RBFOX1: variants seen among roughly 807,000 people sequenced by gnomAD.
RBFOX1 encodes the protein RNA binding protein fox-1 homolog 1.
In RBFOX1, 8 loss-of-function variants were observed where a neutral mutation model predicts 57.7. The observed-to-expected ratio is 0.14, with a 90% CI of 0.08 to 0.25. The LOEUF (loss-of-function observed/expected upper bound fraction) is 0.25, where lower values mean the gene tolerates loss of function less well. Among genes scored for constraint, RBFOX1 ranks in the 10% least tolerant of loss-of-function variants. The pLI is 1.00. For synonymous variants in RBFOX1, 326 were observed against 222.4 expected, an observed-to-expected ratio of 1.47 and a Z score of -4.15; for missense variants, 611 against 548.5, an observed-to-expected ratio of 1.11 and a Z score of -1.14.
At chr16:7,354,268 G>A (rs1255465882) in intron 4 of RBFOX1, among the ~76,000 whole-genome samples, 1 of 152,082 alleles carries the variant, frequency 6.6e-6, no homozygotes, top group African/African-American at 2.4e-5. Flanking sequence ...ACCATGCTTG[G>A]CCCGAATTGT....
chr16:6,828,184 C>G (rs567893678), intron 3 of RBFOX1, among the ~76,000 whole-genome samples: 31 of 152,300 alleles, frequency 2.0e-4, no homozygotes, highest in Admixed American at 1.7e-3. Flanking sequence ...AGTCTCAGCA[C>G]TTCCCTTGCC....
intron 2 of RBFOX1, chr16:6,577,452 A>G (rs1252202379): frequency 2.6e-5 from 4 of 151,680 alleles, no homozygotes; most frequent in Non-Finnish European, 4.4e-5. Context: ...TTTCCTTCCA[A>G]CTCTCCAGTT....
intron 3 of RBFOX1, among the ~76,000 whole-genome samples, chr16:6,903,707 G>T (rs1369790380): frequency 6.6e-6 from 1 of 152,130 alleles, no homozygotes; most frequent in Non-Finnish European, 1.5e-5. Context: ...AAGGGCAGCA[G>T]AGCAAGCACT....
intron 13 of RBFOX1, chr16:7,671,704 T>A: frequency 1.9e-6 from 2 of 1,066,896 alleles, no homozygotes; most frequent in Non-Finnish European, 1.4e-6. Context: ...TTCTCTAACA[T>A]AGGAGGAAAG....
chr16:7,530,988 C>G (rs779055140), intron 5 of RBFOX1, among the ~76,000 whole-genome samples: 1 of 152,146 alleles, frequency 6.6e-6, no homozygotes, highest in African/African-American at 2.4e-5. Context: ...GTCCTTAGGA[C>G]AGAAGTTCCA....
chr16:7,259,836 T>C (rs1320803371), intron 4 of RBFOX1, among the ~76,000 whole-genome samples: 4 of 152,204 alleles, frequency 2.6e-5, no homozygotes, highest in African/African-American at 7.2e-5. Flanking sequence ...TTTATGTGTG[T>C]GTAATAAGAA....
chr16:7,616,507 A>G (rs952906863), intron 10 of RBFOX1, among the ~76,000 whole-genome samples: 1 of 152,244 alleles, frequency 6.6e-6, no homozygotes, highest in African/African-American at 2.4e-5. Flanking sequence ...TAGTTACCAT[A>G]AACAATTGGA....
At chr16:6,715,177 C>T (rs943731871) in intron 3 of RBFOX1, among the ~76,000 whole-genome samples, 2 of 152,098 alleles carry the variant, frequency 1.3e-5, no homozygotes, top group Non-Finnish European at 2.9e-5. Flanking sequence ...ACCCTCCTCA[C>T]TCATAATGAA....
At chr16:7,061,784 A>G (rs1184714319) in intron 4 of RBFOX1, among the ~76,000 whole-genome samples, 1 of 152,156 alleles carries the variant, frequency 6.6e-6, no homozygotes, top group Non-Finnish European at 1.5e-5. Context: ...CTTCATTTCT[A>G]TGACTGATGC....
chr16:7,645,751 AG>A (rs1262725683), intron 11 of RBFOX1, among the ~76,000 whole-genome samples: 1 of 152,222 alleles, frequency 6.6e-6, no homozygotes, highest in African/African-American at 2.4e-5. Flanking sequence ...TCCAAAATGT[AG>A]ATTTATTCAC....
chr16:7,672,255 C>G (rs1379959977), intron 13 of RBFOX1, among the ~76,000 whole-genome samples: 3 of 152,132 alleles, frequency 2.0e-5, no homozygotes, highest in Non-Finnish European at 2.9e-5. Context: ...TGTGGCTGGC[C>G]TAGAGTCTCC....
Position 6,864,134 on chromosome 16 carries a change from G to C in RBFOX1, c.-15-187923G>C, listed in dbSNP as rs114581901. Among the ~76,000 whole-genome samples the C allele has an allele frequency of 8.7e-3, 1,320 of 152,096 alleles. 25 individuals are homozygous for C. Among genetic ancestry groups the C allele is most frequent in the African/African-American group, 0.03 (1,257 of 41,512 alleles). ...GAAAGCGAAGGAGTCTCTTTAGCAG[G>C]AAGAAGGAGGGGTCATTTCAGGGAA... On this transcript the variant is annotated intron_variant, in intron 3 of 15. Transcript: ENST00000550418.
At chr16:6,253,174 C>A (rs2097634479) in intron 1 of RBFOX1, among the ~76,000 whole-genome samples, 1 of 152,162 alleles carries the variant, frequency 6.6e-6, no homozygotes, top group Non-Finnish European at 1.5e-5. Context: ...CAGGTCTCAT[C>A]TAACTCCAAA....
chr16:7,113,029 C>G (rs961196164), intron 4 of RBFOX1, among the ~76,000 whole-genome samples: 10 of 152,158 alleles, frequency 6.6e-5, no homozygotes, highest in Admixed American at 5.9e-4. Flanking sequence ...ACCCATCGAA[C>G]TGGAGTCAGA....
chr16:7,327,950 A>G (rs2096633240), intron 4 of RBFOX1, among the ~76,000 whole-genome samples: 1 of 152,060 alleles, frequency 6.6e-6, no homozygotes, highest in Non-Finnish European at 1.5e-5. Flanking sequence ...GGTCTTCTCT[A>G]GATACCCCCT....
chr16:7,250,620 C>T (rs1250658449), intron 4 of RBFOX1, among the ~76,000 whole-genome samples: 1 of 152,310 alleles, frequency 6.6e-6, no homozygotes, highest in South Asian at 2.1e-4. Flanking sequence ...ATGTACACAG[C>T]AGACACTGAG....
chr16:7,329,119 CAG>C (rs1177266826), intron 4 of RBFOX1, among the ~76,000 whole-genome samples: 1 of 152,152 alleles, frequency 6.6e-6, no homozygotes, highest in Non-Finnish European at 1.5e-5. Flanking sequence ...GCAGTTGCAG[CAG>C]AGATTGTAAG....
chr16:6,894,439 C>A (rs576379684), intron 3 of RBFOX1, among the ~76,000 whole-genome samples: 91 of 152,294 alleles, frequency 6.0e-4, no homozygotes, highest in Admixed American at 1.8e-3. Context: ...TGTGAGAATG[C>A]CTTCCCGAAT....
intron 3 of RBFOX1, among the ~76,000 whole-genome samples, chr16:6,986,809 A>G (rs566686114): frequency 6.6e-6 from 1 of 152,252 alleles, no homozygotes; most frequent in African/African-American, 2.4e-5. Context: ...AACACGCTGT[A>G]GGGCAGGTGC....
Sources: allele counts gnomAD v4.1 joint callset (sites outside exome capture counted in the v4.1 genomes callset), GRCh38; gene constraint gnomAD v4.1.1; transcripts MANE v1.5; gene names NCBI Gene and HGNC (gene_info 2026-07-23, HGNC 2026-07-21).